EDIL3: variants seen among roughly 807,000 people sequenced by gnomAD.
EDIL3 encodes EGF-like repeat and discoidin I-like domain-containing protein 3.
Under a neutral mutation model 67.4 loss-of-function variants are expected in EDIL3, and 37 were observed. The ratio of observed to expected loss-of-function variants is 0.55; its 90% CI spans 0.42 to 0.72. The LOEUF (loss-of-function observed/expected upper bound fraction) is 0.72. Ranked by LOEUF, EDIL3 falls within the 30% of genes least tolerant of loss-of-function variation. The probability of loss-of-function intolerance (pLI) is 0.00; values close to 1 mark genes in which losing one functional copy is unlikely to be tolerated. For synonymous variants in EDIL3, 195 were observed against 196.3 expected, an observed-to-expected ratio of 0.99 and a Z score of 0.05; for missense variants, 527 against 586.3, an observed-to-expected ratio of 0.90 and a Z score of 1.04.
chr5:84,120,990 C>G (rs1274914469), intron 5 of EDIL3, among the ~76,000 whole-genome samples: 1 of 151,900 alleles, frequency 6.6e-6, no homozygotes. Context: ...GTAACAGTGA[C>G]AGTAGGGAGG....
intron 9 of EDIL3, among the ~76,000 whole-genome samples, chr5:83,985,293 G>T (rs935157959): frequency 2.1e-4 from 32 of 151,982 alleles, no homozygotes; most frequent in African/African-American, 7.5e-4. Context: ...GATTTCTCTA[G>T]TTTAGCAAGT....
chr5:84,283,732 C>T (rs1480062805), intron 1 of EDIL3, among the ~76,000 whole-genome samples: 2 of 152,144 alleles, frequency 1.3e-5, no homozygotes, highest in Non-Finnish European at 2.9e-5. Flanking sequence ...TCCTTGTGTC[C>T]TAGCATATAT....
chr5:84,086,852 T>C (rs1747081541), intron 6 of EDIL3, among the ~76,000 whole-genome samples: 1 of 152,148 alleles, frequency 6.6e-6, no homozygotes, highest in Non-Finnish European at 1.5e-5. Context: ...AGGTATCCTC[T>C]GTCTCGTTAC....
intron 6 of EDIL3, among the ~76,000 whole-genome samples, chr5:84,076,183 T>G (rs1046987863): frequency 3.9e-5 from 6 of 152,008 alleles, no homozygotes; most frequent in Non-Finnish European, 8.8e-5. Context: ...AGACAGGTTC[T>G]CATATTTGTT....
At chr5:84,346,000 A>G (rs1747230392) in intron 1 of EDIL3, among the ~76,000 whole-genome samples, 1 of 152,142 alleles carries the variant, frequency 6.6e-6, no homozygotes, top group African/African-American at 2.4e-5. Flanking sequence ...TAAAAGAACA[A>G]TATTTGTTTT....
chr5:84,048,596 A>G (rs989807584), intron 9 of EDIL3, among the ~76,000 whole-genome samples: 1 of 151,958 alleles, frequency 6.6e-6, no homozygotes, highest in Non-Finnish European at 1.5e-5. Flanking sequence ...AGACCAAAAG[A>G]TCATTTCTTA....
chr5:84,066,290 G>T (rs921053538), intron 7 of EDIL3, among the ~76,000 whole-genome samples, 161 bp downstream of exon 7: 1 of 152,066 alleles, frequency 6.6e-6, no homozygotes, highest in Non-Finnish European at 1.5e-5. Context: ...ATAAACTGGA[G>T]AATTACTACT....
intron 1 of EDIL3, among the ~76,000 whole-genome samples, chr5:84,300,521 T>C (rs193138524): frequency 3.9e-5 from 6 of 152,312 alleles, no homozygotes; most frequent in African/African-American, 1.4e-4. Flanking sequence ...TGCAATCTTA[T>C]CTATAAAAAT....
rs780046303 is a variant in EDIL3 at position 84,137,180 on chromosome 5, T to TAC, written c.469+59_469+60dup. On this transcript the variant is annotated intron_variant, in intron 5 of 10. Transcript: ENST00000296591. ...ATGCATACATATATGTGTGTGTGTA[T>TAC]ACATACACACACACACACACACACA... 1.9e-3 allele frequency: 1,716 copies of TAC among 896,054 alleles called. 1 individual carries two copies. Among genetic ancestry groups the TAC allele is most frequent in the Non-Finnish European group, 2.3e-3 (1,443 of 621,786 alleles). 55.5% of individuals were successfully genotyped at this position (896,054 alleles called of 1,614,324 possible).
At position 84,362,825 on chromosome 5, in the gene EDIL3, C is replaced by A. The variant is rs1445941503; in HGVS notation, c.67+21483G>T. 2.6e-4 allele frequency among the ~76,000 whole-genome samples: 40 copies of A among 152,046 alleles called. 2 individuals carry two copies. Among genetic ancestry groups the A allele is most frequent in the Admixed American group, 2.6e-3 (40 of 15,256 alleles). On this transcript the variant is annotated intron_variant, in intron 1 of 10. Transcript: ENST00000296591. ...CATTTTAAATATTTCAAAAGATACTCTTGAATTATGGGAAATACAAAACAA... is the reference window on the plus strand; with the variant it reads ...CATTTTAAATATTTCAAAAGATACTATTGAATTATGGGAAATACAAAACAA...
At chr5:84,174,929 C>A (rs1023124724) in intron 4 of EDIL3, among the ~76,000 whole-genome samples, 1 of 152,134 alleles carries the variant, frequency 6.6e-6, no homozygotes, top group Admixed American at 6.5e-5. Flanking sequence ...AATGTTAGGG[C>A]CATTCAAGGA....
intron 4 of EDIL3, among the ~76,000 whole-genome samples, chr5:84,146,447 T>C (rs1273579634): frequency 6.6e-6 from 1 of 152,080 alleles, no homozygotes; most frequent in Non-Finnish European, 1.5e-5. Flanking sequence ...AAGGTATTAT[T>C]TTATGTGCTA....
chr5:84,379,671 C>T (rs1748036505), intron 1 of EDIL3, among the ~76,000 whole-genome samples: 1 of 152,046 alleles, frequency 6.6e-6, no homozygotes, highest in South Asian at 2.1e-4. Context: ...AGAAGACTCC[C>T]TCTAAAGTAA....
chr5:84,209,306 C>A (rs1744065397), intron 3 of EDIL3, among the ~76,000 whole-genome samples: 4 of 151,930 alleles, frequency 2.6e-5, no homozygotes, highest in East Asian at 3.9e-4. Flanking sequence ...AGCACACCAG[C>A]ATGGCACATG....
At chr5:84,371,713 T>C (rs1266354660) in intron 1 of EDIL3, among the ~76,000 whole-genome samples, 1 of 151,690 alleles carries the variant, frequency 6.6e-6, no homozygotes, top group Non-Finnish European at 1.5e-5. Flanking sequence ...AAGTAAGAAT[T>C]ATACTAAATA....
intron 4 of EDIL3, among the ~76,000 whole-genome samples, chr5:84,171,170 T>G (rs1009510572): frequency 2.0e-5 from 3 of 152,144 alleles, no homozygotes; most frequent in African/African-American, 7.2e-5. Context: ...GCAAAATGCA[T>G]CTAACATTTT....
At chr5:84,254,032 TATTCATGG>T (rs1745080246) in intron 2 of EDIL3, 44 bp downstream of exon 2, 1 of 1,529,726 alleles carries the variant, frequency 6.5e-7, no homozygotes, top group Non-Finnish European at 8.8e-7. Flanking sequence ...AACTGCCATT[TATTCATGG>T]AAATAAAAAG....
At chr5:84,051,854 G>T (rs1746345402) in intron 9 of EDIL3, among the ~76,000 whole-genome samples, 1 of 152,216 alleles carries the variant, frequency 6.6e-6, no homozygotes. Context: ...GAAAGTGACG[G>T]GGAGAATGGA....
chr5:84,221,424 A>G (rs1257096091), intron 3 of EDIL3, among the ~76,000 whole-genome samples: 1 of 152,184 alleles, frequency 6.6e-6, no homozygotes, highest in African/African-American at 2.4e-5. Flanking sequence ...TACTGGCACC[A>G]TGATCCTGTT....
Sources: gnomAD v4.1 joint callset for allele counts (sites outside exome capture counted in the v4.1 genomes callset) on GRCh38, gnomAD v4.1.1 for gene constraint, MANE v1.5 for transcripts, NCBI Gene and HGNC (gene_info 2026-07-23, HGNC 2026-07-21) for gene names.